RBFOX1: variants seen among roughly 807,000 people sequenced by gnomAD.
RBFOX1 encodes RNA binding protein fox-1 homolog 1.
In RBFOX1, 8 loss-of-function variants were observed where a neutral mutation model predicts 57.7. The ratio of observed to expected loss-of-function variants is 0.14; its 90% CI spans 0.08 to 0.25. The LOEUF (loss-of-function observed/expected upper bound fraction) is 0.25. Ranked by LOEUF, RBFOX1 falls within the 10% of genes least tolerant of loss-of-function variation. The pLI is 1.00. For synonymous variants in RBFOX1, 326 were observed against 222.4 expected, an observed-to-expected ratio of 1.47 and a Z score of -4.15; for missense variants, 611 against 548.5, an observed-to-expected ratio of 1.11 and a Z score of -1.14.
intron 3 of RBFOX1, among the ~76,000 whole-genome samples, chr16:5,634,177 C>A (rs996309953): frequency 6.6e-6 from 1 of 152,198 alleles, no homozygotes; most frequent in Non-Finnish European, 1.5e-5. Context: ...CATCAGTTGG[C>A]AAATTAACAT....
chr16:6,307,075 C>A (rs2079598710), intron 1 of RBFOX1, among the ~76,000 whole-genome samples: 1 of 152,216 alleles, frequency 6.6e-6, no homozygotes, highest in Non-Finnish European at 1.5e-5. Flanking sequence ...ACTTCAGAGT[C>A]ACACAGAACT....
chr16:6,493,291 G>T (rs1472440837), intron 2 of RBFOX1, among the ~76,000 whole-genome samples: 1 of 152,114 alleles, frequency 6.6e-6, no homozygotes, highest in Non-Finnish European at 1.5e-5. Flanking sequence ...TTTGGAATGG[G>T]GTGGTGGGGT....
chr16:7,161,141 T>C (rs1025344372), intron 4 of RBFOX1, among the ~76,000 whole-genome samples: 9 of 152,156 alleles, frequency 5.9e-5, no homozygotes, highest in Non-Finnish European at 1.0e-4. Context: ...TACAAAATAA[T>C]TTTATACCAC....
chr16:7,359,182 C>T lies in RBFOX1; in HGVS notation c.28-158965C>T, dbSNP rs572552046. On this transcript the variant is annotated intron_variant, in intron 4 of 15. Coordinates refer to ENST00000550418, the MANE Select transcript of RBFOX1 (RefSeq NM_018723.4). ...ATGCTGTGTGACCTTTGGCATGTCT[C>T]AGAACCTCTCTTATCTGAGCCTTGG... Among the ~76,000 whole-genome samples the T allele has an allele frequency of 3.4e-4, 52 of 152,314 alleles. No individual in the cohort carries two copies. The Middle Eastern group carries it at 0.01, about 30-fold the overall frequency.
At chr16:7,657,306 T>TA (rs1188123782) in intron 12 of RBFOX1, among the ~76,000 whole-genome samples, 8 of 151,944 alleles carry the variant, frequency 5.3e-5, no homozygotes, top group Admixed American at 2.6e-4. Flanking sequence ...CATTTCCTTT[T>TA]AAAAAAAATT....
chr16:5,453,459 C>T (rs889996842), intron 1 of RBFOX1, among the ~76,000 whole-genome samples: 1 of 152,148 alleles, frequency 6.6e-6, no homozygotes, highest in Non-Finnish European at 1.5e-5. Context: ...GGATAGGACA[C>T]CTATCCCAGC....
At chr16:6,546,137 G>C (rs980293989) in intron 2 of RBFOX1, among the ~76,000 whole-genome samples, 11 of 152,192 alleles carry the variant, frequency 7.2e-5, no homozygotes, top group African/African-American at 2.4e-4. Context: ...AAGGCATCTT[G>C]GGCCACATGT....
At chr16:6,767,445 A>G (rs1227296730) in intron 3 of RBFOX1, among the ~76,000 whole-genome samples, 1 of 152,216 alleles carries the variant, frequency 6.6e-6, no homozygotes, top group Admixed American at 6.5e-5. Flanking sequence ...ATCTATAATT[A>G]TCCTGAGGTT....
intron 2 of RBFOX1, among the ~76,000 whole-genome samples, chr16:5,493,399 C>T (rs895325011): frequency 6.6e-6 from 1 of 152,120 alleles, no homozygotes; most frequent in Non-Finnish European, 1.5e-5. Flanking sequence ...CCCTCCGCAC[C>T]CTCTGTGTGT....
intron 3 of RBFOX1, among the ~76,000 whole-genome samples, chr16:5,662,710 A>C (rs951123774): frequency 5.3e-5 from 8 of 152,228 alleles, no homozygotes; most frequent in Admixed American, 2.0e-4. Context: ...CTAATAAGTC[A>C]CTGATAACAC....
intron 3 of RBFOX1, among the ~76,000 whole-genome samples, chr16:6,810,808 C>A (rs957448092): frequency 6.6e-6 from 1 of 152,106 alleles, no homozygotes; most frequent in Non-Finnish European, 1.5e-5. Context: ...AGAAGTCACT[C>A]ACTATCAGGA....
intron 1 of RBFOX1, among the ~76,000 whole-genome samples, chr16:6,307,175 A>G (rs914063898): frequency 2.6e-5 from 4 of 152,162 alleles, no homozygotes; most frequent in Non-Finnish European, 5.9e-5. Flanking sequence ...GTCATCCTCA[A>G]AAGAGAAATA....
intron 2 of RBFOX1, among the ~76,000 whole-genome samples, chr16:6,587,428 C>T (rs1419137299): frequency 6.6e-6 from 1 of 152,092 alleles, no homozygotes; most frequent in Non-Finnish European, 1.5e-5. Context: ...ATTACAGGTG[C>T]ACACCACCAT....
At chr16:5,514,844 A>G (rs1225460248) in intron 2 of RBFOX1, among the ~76,000 whole-genome samples, 1 of 152,118 alleles carries the variant, frequency 6.6e-6, no homozygotes, top group Non-Finnish European at 1.5e-5. Context: ...TTCATTTTGT[A>G]TTACTATAAA....
chr16:5,740,634 G>A (rs2052739103), intron 3 of RBFOX1, among the ~76,000 whole-genome samples: 1 of 152,174 alleles, frequency 6.6e-6, no homozygotes, highest in Admixed American at 6.5e-5. Flanking sequence ...GGATCCAGGA[G>A]CTTAAACAGT....
At chr16:5,412,001 A>G (rs1205401560) in intron 1 of RBFOX1, among the ~76,000 whole-genome samples, 2 of 152,058 alleles carry the variant, frequency 1.3e-5, no homozygotes, top group African/African-American at 2.4e-5. Context: ...ATATTTCTAG[A>G]TCGGTTAGTT....
At chr16:6,748,827 T>A (rs1451123310) in intron 3 of RBFOX1, 1 of 152,198 alleles carries the variant, frequency 6.6e-6, no homozygotes, top group East Asian at 1.9e-4. Context: ...TTTTATTGAA[T>A]ACCTTCTAGA....
intron 2 of RBFOX1, among the ~76,000 whole-genome samples, chr16:6,351,344 GTGTGTGTGTA>G (rs1228304116): frequency 1.9e-5 from 2 of 103,100 alleles, no homozygotes; most frequent in African/African-American, 1.1e-4. Flanking sequence ...GTGTGTGTGT[GTGTGTGTGTA>G]TATATATATA....
intron 3 of RBFOX1, among the ~76,000 whole-genome samples, chr16:6,771,799 C>T (rs1455994955): frequency 6.6e-6 from 1 of 152,128 alleles, no homozygotes; most frequent in Admixed American, 6.5e-5. Context: ...GTTACCCAGC[C>T]TAAAGTGGCA....
Sources: allele counts gnomAD v4.1 joint callset (sites outside exome capture counted in the v4.1 genomes callset), GRCh38; gene constraint gnomAD v4.1.1; transcripts MANE v1.5; gene names NCBI Gene and HGNC (gene_info 2026-07-23, HGNC 2026-07-21).